The following THSD7A variants were observed in gnomAD, a reference collection of about 807,000 sequenced individuals.
THSD7A encodes the protein thrombospondin type-1 domain-containing protein 7A.
A neutral mutation model predicts 231.3 loss-of-function variants in THSD7A; 96 were observed. That is an observed-to-expected ratio of 0.41 (90% CI 0.35 to 0.49). The LOEUF is 0.49. Ranked by LOEUF, THSD7A falls within the 20% of genes least tolerant of loss-of-function variation. The probability of loss-of-function intolerance (pLI) is 0.05; values close to 1 mark genes in which losing one functional copy is unlikely to be tolerated. For missense variants in THSD7A, 2,290 were observed against 2,070.2 expected, an observed-to-expected ratio of 1.11 and a Z score of -2.06; for synonymous variants, 940 against 743.3, an observed-to-expected ratio of 1.26 and a Z score of -4.30.
intron 4 of THSD7A, among the ~76,000 whole-genome samples, chr7:11,548,016 T>A (rs1789469377): frequency 6.6e-6 from 1 of 152,046 alleles, no homozygotes; most frequent in African/African-American, 2.4e-5. Flanking sequence ...AAAACAAAGC[T>A]GTGCTTTCCA....
intron 6 of THSD7A, among the ~76,000 whole-genome samples, chr7:11,491,756 C>T (rs1274492167): frequency 6.6e-6 from 1 of 152,030 alleles, no homozygotes; most frequent in Non-Finnish European, 1.5e-5. Context: ...AACAGAATTC[C>T]GTTTACTCTG....
intron 1 of THSD7A, among the ~76,000 whole-genome samples, chr7:11,765,688 G>A (rs937112173): frequency 1.3e-5 from 2 of 151,976 alleles, no homozygotes; most frequent in Non-Finnish European, 2.9e-5. Context: ...TGGATTTCCT[G>A]GGAAACAAGC....
At chr7:11,445,519 A>ATGTGTGTGTGTG (rs10691034) in intron 13 of THSD7A, among the ~76,000 whole-genome samples, 1 of 149,082 alleles carries the variant, frequency 6.7e-6, no homozygotes, top group Non-Finnish European at 1.5e-5. Flanking sequence ...CGTTTGTTTT[A>ATGTGTGTGTGTG]TGTGTGTGTG....
intron 6 of THSD7A, among the ~76,000 whole-genome samples, chr7:11,496,650 G>A (rs1357427704): frequency 6.6e-6 from 1 of 152,176 alleles, no homozygotes; most frequent in African/African-American, 2.4e-5. Flanking sequence ...CAAGGGCCAG[G>A]AGCCTGTGGC....
intron 2 of THSD7A, among the ~76,000 whole-genome samples, chr7:11,618,010 T>A (rs1781167734): frequency 6.6e-6 from 1 of 152,210 alleles, no homozygotes; most frequent in Admixed American, 6.5e-5. Flanking sequence ...AAATGTCAAG[T>A]GTTACCACCT....
intron 6 of THSD7A, among the ~76,000 whole-genome samples, chr7:11,517,300 G>C (rs887107850): frequency 6.6e-6 from 1 of 151,914 alleles, no homozygotes; most frequent in African/African-American, 2.4e-5. Context: ...GGCTGGTCTT[G>C]AACTCCTGAC....
chr7:11,617,774 G>A (rs1251769480), intron 2 of THSD7A, among the ~76,000 whole-genome samples: 1 of 152,080 alleles, frequency 6.6e-6, no homozygotes, highest in Non-Finnish European at 1.5e-5. Context: ...GACTATAGGC[G>A]GGAATTGAAC....
intron 8 of THSD7A, among the ~76,000 whole-genome samples, chr7:11,473,066 T>C (rs1786001103): frequency 6.6e-6 from 1 of 152,188 alleles, no homozygotes; most frequent in Non-Finnish European, 1.5e-5. Context: ...AGGTTACCTA[T>C]TAAACATGTG....
intron 1 of THSD7A, among the ~76,000 whole-genome samples, chr7:11,669,385 G>C (rs891253825): frequency 1.3e-4 from 19 of 151,822 alleles, no homozygotes; most frequent in Admixed American, 3.3e-4. Context: ...CCATGTGCTA[G>C]AGAAACAAAG....
chr7:11,384,715 A>G (rs1782662734), intron 23 of THSD7A: 1 of 151,988 alleles, frequency 6.6e-6, no homozygotes, highest in Non-Finnish European at 1.5e-5. Context: ...TTGATCAATT[A>G]CCCTTTTTAA....
intron 1 of THSD7A, among the ~76,000 whole-genome samples, chr7:11,716,939 C>A (rs149912288): frequency 6.6e-5 from 10 of 151,434 alleles, no homozygotes; most frequent in African/African-American, 1.9e-4. Flanking sequence ...TAACGAATAC[C>A]CTTTATGAAA....
intron 1 of THSD7A, among the ~76,000 whole-genome samples, chr7:11,747,478 T>C (rs1340266076): frequency 6.6e-6 from 1 of 151,984 alleles, no homozygotes; most frequent in East Asian, 1.9e-4. Context: ...ATTATACTTG[T>C]TATTGGAATG....
chr7:11,799,693 T>TC (rs1478692234), intron 1 of THSD7A, among the ~76,000 whole-genome samples: 1 of 152,210 alleles, frequency 6.6e-6, no homozygotes. Context: ...TTGGGTTTTT[T>TC]CTCTCATACT....
At chr7:11,397,888 A>C (rs1011553651) in intron 23 of THSD7A, among the ~76,000 whole-genome samples, 2 of 152,348 alleles carry the variant, frequency 1.3e-5, no homozygotes, top group African/African-American at 4.8e-5. Context: ...ATCATTTAAA[A>C]GTCAGGAAAC....
chr7:11,508,293 C>T (rs1193508431), intron 6 of THSD7A, among the ~76,000 whole-genome samples: 2 of 152,092 alleles, frequency 1.3e-5, no homozygotes, highest in Non-Finnish European at 2.9e-5. Context: ...AGAAGAAATA[C>T]AGCGAGCCAA....
intron 11 of THSD7A, among the ~76,000 whole-genome samples, chr7:11,450,735 C>A (rs1204403081): frequency 6.6e-6 from 1 of 151,738 alleles, no homozygotes; most frequent in East Asian, 1.9e-4. Context: ...CTACATATAC[C>A]CAGAAAATTT....
intron 13 of THSD7A, among the ~76,000 whole-genome samples, chr7:11,437,842 G>A (rs1045615432): frequency 5.9e-5 from 9 of 152,000 alleles, no homozygotes; most frequent in Non-Finnish European, 7.4e-5. Flanking sequence ...ATACATTTCA[G>A]TTACTTTATG....
intron 2 of THSD7A, among the ~76,000 whole-genome samples, chr7:11,600,081 G>T (rs1780498433): frequency 6.6e-6 from 1 of 151,896 alleles, no homozygotes; most frequent in Non-Finnish European, 1.5e-5. Flanking sequence ...GCCTATTGTG[G>T]GATCTTGTGA....
rs1202722850 is a variant in THSD7A, at chr7:11,374,304, C to G, written c.*1490G>C. 6.6e-6 allele frequency: 1 copy of G among 152,058 alleles called. No homozygotes were observed. Among genetic ancestry groups the G allele is most frequent in the African/African-American group, 2.4e-5 (1 of 41,422 alleles). 9.4% of individuals were successfully genotyped at this position (152,058 alleles called of 1,614,324 possible). A position where few individuals can be genotyped will look rare whatever the true frequency, so the allele number is the denominator to read the frequency against. On this transcript the variant is annotated 3_prime_UTR_variant, in exon 28 of 28. Coordinates refer to ENST00000423059, the MANE Select transcript of THSD7A (RefSeq NM_015204.3). The stretch of plus-strand genomic sequence containing the variant: ...TGTGGAAAATATTTTCTATATAGTC[C>G]TTTACAGAAAAAGTTTGCCACTCTT...
Sources: gnomAD v4.1 joint callset for allele counts (sites outside exome capture counted in the v4.1 genomes callset) on GRCh38, gnomAD v4.1.1 for gene constraint, MANE v1.5 for transcripts, NCBI Gene and HGNC (gene_info 2026-07-23, HGNC 2026-07-21) for gene names.